Variants in IL16 observed in about 807,000 individuals in gnomAD.
IL16 encodes the protein interleukin 16.
In IL16, 67 loss-of-function variants were observed where a neutral mutation model predicts 110.1. The ratio of observed to expected loss-of-function variants is 0.61; its 90% confidence interval spans 0.50 to 0.75. The LOEUF (loss-of-function observed/expected upper bound fraction) is 0.75. Among genes scored for constraint, IL16 ranks in the 30% least tolerant of loss-of-function variants. The probability of loss-of-function intolerance (pLI) is 0.00; values close to 1 mark genes in which losing one functional copy is unlikely to be tolerated. For missense variants in IL16, 1,545 were observed against 1,655.0 expected (o/e 0.93, Z 1.15); for synonymous variants, 689 against 662.9 (o/e 1.04, Z -0.61).
chr15:81,290,988 G>T lies in IL16; in HGVS notation c.1420+448G>T, dbSNP rs569845420. Among the ~76,000 whole-genome samples, 16 of 152,250 alleles carry T rather than the reference G, an allele frequency of 1.1e-4. No homozygotes were observed. The East Asian group carries it at 2.5e-3, about 24-fold the overall frequency. ...TAAATCAGAGACTATGCTAATTCAT[G>T]CATTCACACATAATTTTTATGCAAA... On this transcript the variant is annotated intron_variant, in intron 11 of 18. Transcript: ENST00000683961.
chr15:81,192,277 A>T (rs578243975), upstream of IL16, among the ~76,000 whole-genome samples: 41 of 152,256 alleles, frequency 2.7e-4, no homozygotes, highest in African/African-American at 9.4e-4. Flanking sequence ...GTAAAGCTAA[A>T]ACTGCTCAGA....
chr15:81,259,561 T>C (rs1353830665), intron 2 of IL16, among the ~76,000 whole-genome samples: 1 of 152,236 alleles, frequency 6.6e-6, no homozygotes, highest in East Asian at 1.9e-4. Context: ...TGTAATCTAT[T>C]CATTCAATAT....
intron 1 of IL16, among the ~76,000 whole-genome samples, chr15:81,183,078 C>T (rs1024365258): frequency 1.3e-5 from 2 of 152,180 alleles, no homozygotes; most frequent in Non-Finnish European, 2.9e-5. Context: ...TGTGTGCACA[C>T]GTGTGCTACA....
chr15:81,274,151 T>C (rs895829826), intron 6 of IL16, among the ~76,000 whole-genome samples: 9 of 152,228 alleles, frequency 5.9e-5, no homozygotes, highest in Admixed American at 1.3e-4. Context: ...CTATAAGCTA[T>C]GCTGGGAGCC....
intron 2 of IL16, among the ~76,000 whole-genome samples, chr15:81,232,462 T>A (rs1897041508): frequency 6.6e-6 from 1 of 152,186 alleles, no homozygotes; most frequent in South Asian, 2.1e-4. Flanking sequence ...CATATGATGT[T>A]TGTTGTAGTT....
In IL16 at chr15:81,310,540, T is replaced by C. The variant is rs1389021089; in HGVS notation, c.*1742T>C. 2.0e-5 allele frequency: 3 copies of C among 152,156 alleles called. No individual in the cohort carries two copies. The highest frequency in any genetic ancestry group is 2.9e-5 in the Non-Finnish European group (2 of 68,018). 9.4% of individuals were successfully genotyped at this position (152,156 alleles called of 1,614,324 possible). A position where few individuals can be genotyped will look rare whatever the true frequency, so the allele number is the denominator to read the frequency against. ...ATTTGTATCCACTTTTTAGACTTAA[T>C]AGAAACATTGAAGATGAACATAATC... is the stretch of plus-strand genomic sequence containing the variant. On this transcript the variant is annotated 3_prime_UTR_variant, in exon 19 of 19. Transcript: ENST00000683961.
chr15:81,292,619 AC>A lies in IL16; in HGVS notation c.1485del (p.Ser496GlnfsTer12). Reference sequence around the variant, plus strand: ...ACCTTGGAGAAGGAACGAGAGAAGAACTCAGCACCCCCGCATCGCAGGGCTC... The same window carrying A: ...ACCTTGGAGAAGGAACGAGAGAAGAATCAGCACCCCCGCATCGCAGGGCTC... ...RPTLEKEREK[N>X]SAPPHRRAQK... On this transcript the variant is annotated frameshift_variant, in exon 12 of 19. Transcript: ENST00000683961. LOFTEE classifies it high-confidence loss of function. 1 of 1,609,724 alleles carries A rather than the reference AC, an allele frequency of 6.2e-7. No homozygotes were observed. The highest frequency in any genetic ancestry group is 1.3e-5 in the African/African-American group (1 of 74,970).
chr15:81,227,403 C>T (rs116157595), intron 2 of IL16, among the ~76,000 whole-genome samples: 100 of 152,180 alleles, frequency 6.6e-4, no homozygotes, highest in African/African-American at 2.3e-3. Context: ...GACATTTTGG[C>T]AAGGACCTGA....
chr15:81,303,758 G>A lies in IL16; in HGVS notation c.3420+108G>A, dbSNP rs1489073692. ...TGTGCTGGGGAAATGAAGAATGCAT[G>A]ACACTAGGCCACTGGGCAGGTCCTG... On this transcript the variant is annotated intron_variant, in intron 16 of 18. Transcript: ENST00000683961. The surrounding 1 kb of genome is among the most constrained non-coding windows in gnomAD (Gnocchi z 4.1). The A allele has an allele frequency of 1.1e-5, 8 of 752,710 alleles. No individual in the cohort carries two copies. In the East Asian group the frequency reaches 2.0e-4, roughly 19 times the overall value. The allele number at this position is 752,710 out of a possible 1,614,324, so 46.6% of individuals were successfully genotyped here.
rs1301529473 is a variant in IL16 at position 81,225,507 on chromosome 15, C to T, written c.108C>T (p.Ser36=). The part of the protein sequence containing the change: ...CNAKTSDDGS[S]PDEKYPDPFE... The stretch of plus-strand genomic sequence containing the variant: ...CTAAGACCAGTGATGATGGCTCTAG[C>T]CCTGATGAGAAATATCCTGATCCCT... Residue 36 remains serine, a synonymous_variant, in exon 2 of 19, where the codon AGC becomes AGT. Coordinates refer to ENST00000683961, the MANE Select transcript of IL16 (RefSeq NM_172217.5). The T allele has an allele frequency of 1.9e-6, 3 of 1,613,972 alleles. No individual in the cohort carries two copies. Among genetic ancestry groups the T allele is most frequent in the Admixed American group, 1.7e-5 (1 of 60,000 alleles).
At chr15:81,244,132 T>G (rs534128681) in intron 2 of IL16, among the ~76,000 whole-genome samples, 21 of 152,290 alleles carry the variant, frequency 1.4e-4, no homozygotes, top group African/African-American at 5.1e-4. Flanking sequence ...CCTACCTCGT[T>G]TATGCTATAA....
chr15:81,299,224 T>TA, intron 13 of IL16, 156 bp from the exon 14 acceptor site: 1 of 1,186,510 alleles, frequency 8.4e-7, no homozygotes, highest in Non-Finnish European at 1.2e-6. Flanking sequence ...CTCAGTCAGG[T>TA]AATAGCACCT....
chr15:81,185,096 G>A (rs1266919747), intron 1 of IL16, among the ~76,000 whole-genome samples: 2 of 152,122 alleles, frequency 1.3e-5, no homozygotes, highest in Non-Finnish European at 2.9e-5. Flanking sequence ...GGAGGGTGGG[G>A]CGTAGGGTTT....
chr15:81,260,494 A>G (rs886934002), intron 3 of IL16, among the ~76,000 whole-genome samples: 2 of 152,250 alleles, frequency 1.3e-5, no homozygotes, highest in Non-Finnish European at 2.9e-5. Context: ...ATATGAATTT[A>G]TGAAATCTAG....
chr15:81,293,720 G>A (rs1899853246), intron 12 of IL16, among the ~76,000 whole-genome samples: 1 of 152,194 alleles, frequency 6.6e-6, no homozygotes, highest in Non-Finnish European at 1.5e-5. Context: ...AGCATTCATT[G>A]CCATGATCTT....
At chr15:81,273,433 G>A (rs543684319) in intron 6 of IL16, among the ~76,000 whole-genome samples, 11 of 152,236 alleles carry the variant, frequency 7.2e-5, no homozygotes, top group African/African-American at 2.2e-4. Flanking sequence ...CCCTGGCACC[G>A]TTACCCCTTA....
chr15:81,280,477 T>G (rs1024984394), intron 8 of IL16, among the ~76,000 whole-genome samples: 1 of 152,196 alleles, frequency 6.6e-6, no homozygotes, highest in African/African-American at 2.4e-5. Context: ...TTTATAGATT[T>G]CTAAGCAGGC....
chr15:81,221,288 ATCC>A (rs1896608176), intron 1 of IL16, among the ~76,000 whole-genome samples: 1 of 152,176 alleles, frequency 6.6e-6, no homozygotes, highest in African/African-American at 2.4e-5. Flanking sequence ...CCCCCCCGGA[ATCC>A]TCTGGAGGAG....
In IL16 at chr15:81,229,954, T is replaced by C. The variant is rs575281890; in HGVS notation, c.312+4243T>C. 1.2e-4 allele frequency among the ~76,000 whole-genome samples: 18 copies of C among 152,364 alleles called. No homozygotes were observed. In the South Asian group the frequency reaches 3.7e-3, roughly 32 times the overall value. On this transcript the variant is annotated intron_variant, in intron 2 of 18. Transcript: ENST00000683961. ...ATAAAAATTAAAGAAGAGGAAGTTATATAAACAGCCAACTTTTTTTTTTAA... is the reference window on the plus strand; with the variant it reads ...ATAAAAATTAAAGAAGAGGAAGTTACATAAACAGCCAACTTTTTTTTTTAA...
Sources: gnomAD v4.1 joint callset for allele counts (sites outside exome capture counted in the v4.1 genomes callset) on GRCh38, gnomAD v4.1.1 for gene constraint, Gnocchi (gnomAD v3.1) non-coding constraint, MANE v1.5 for transcripts, NCBI Gene and HGNC (gene_info 2026-07-23, HGNC 2026-07-21) for gene names.